The following FGF14 variants were observed in gnomAD, a reference collection of about 807,000 sequenced individuals.
FGF14 encodes the protein fibroblast growth factor 14, also known as fibroblast growth factor homologous factor 4.
A neutral mutation model predicts 25.5 loss-of-function variants in FGF14; 5 were observed. The observed-to-expected ratio is 0.20, with a 90% CI of 0.10 to 0.41. The LOEUF is 0.41. Ranked by LOEUF, FGF14 falls within the 10% of genes least tolerant of loss-of-function variation. FGF14 has a pLI of 1.00. For synonymous variants in FGF14, 138 were observed against 118.3 expected, an observed-to-expected ratio of 1.17 and a Z score of -1.08; for missense variants, 222 against 320.1, an observed-to-expected ratio of 0.69 and a Z score of 2.34.
In FGF14 at chr13:102,249,443, A is replaced by G. The variant is rs571531092; in HGVS notation, c.208+152028T>C. Reference sequence around the variant, plus strand: ...CTTGAAGACAGCAGTTTTGCAGAACAATGGGAGCTGTCGTTGAGGGTCATG... The same window carrying G: ...CTTGAAGACAGCAGTTTTGCAGAACGATGGGAGCTGTCGTTGAGGGTCATG... On this transcript the variant is annotated intron_variant, in intron 1 of 4. Coordinates refer to the FGF14 transcript ENST00000376131. 1.1e-4 allele frequency among the ~76,000 whole-genome samples: 17 copies of G among 152,310 alleles called. No individual in the cohort carries two copies. The South Asian group carries it at 3.5e-3, about 32-fold the overall frequency.
At chr13:101,991,115 G>T (rs376774061) in intron 1 of FGF14, among the ~76,000 whole-genome samples, 1 of 151,940 alleles carries the variant, frequency 6.6e-6, no homozygotes, top group Non-Finnish European at 1.5e-5. Flanking sequence ...CTCAAGATTC[G>T]TTATATAACC....
In FGF14 at chr13:102,162,059, C is replaced by T. The variant is rs143862788; in HGVS notation, c.208+239412G>A. Among the ~76,000 whole-genome samples, 388 of 152,178 alleles carry T rather than the reference C, an allele frequency of 2.5e-3. 11 individuals carry two copies. In the East Asian group the frequency reaches 0.065, roughly 26 times the overall value. Reference sequence around the variant, plus strand: ...ATCTGACACTTGGGAGACATTTTGTCAGTTAACAAGCTTTTTTAGGAGTTA... The same window carrying T: ...ATCTGACACTTGGGAGACATTTTGTTAGTTAACAAGCTTTTTTAGGAGTTA... On this transcript the variant is annotated intron_variant, in intron 1 of 4. Transcript: ENST00000376131.
chr13:102,014,544 A>G (rs2040239787), intron 1 of FGF14, among the ~76,000 whole-genome samples: 1 of 152,154 alleles, frequency 6.6e-6, no homozygotes, highest in South Asian at 2.1e-4. Flanking sequence ...AATGCAGAGG[A>G]ACCAATTATC....
chr13:101,913,669 C>T (rs972206817), intron 1 of FGF14, among the ~76,000 whole-genome samples: 1 of 151,946 alleles, frequency 6.6e-6, no homozygotes, highest in African/African-American at 2.4e-5. Context: ...ATTTTTTCCA[C>T]CTCAAGGTCT....
At chr13:102,184,940 G>C (rs79193721) in intron 1 of FGF14, among the ~76,000 whole-genome samples, 3 of 152,040 alleles carry the variant, frequency 2.0e-5, no homozygotes, top group Non-Finnish European at 2.9e-5. Flanking sequence ...TTCAATATTA[G>C]GTACATGCTT....
At chr13:101,749,289 G>T (rs1163438566) in intron 3 of FGF14, among the ~76,000 whole-genome samples, 2 of 151,866 alleles carry the variant, frequency 1.3e-5, no homozygotes, top group African/African-American at 4.8e-5. Context: ...GAAAGATTAA[G>T]CAAACTGTGG....
chr13:102,357,949 G>T (rs1228992118), intron 1 of FGF14, among the ~76,000 whole-genome samples: 1 of 152,118 alleles, frequency 6.6e-6, no homozygotes, highest in Non-Finnish European at 1.5e-5. Flanking sequence ...CCAAACAGTT[G>T]TATGGGCAGA....
intron 1 of FGF14, among the ~76,000 whole-genome samples, chr13:102,199,986 C>T (rs975871082): frequency 7.9e-5 from 12 of 152,186 alleles, no homozygotes; most frequent in African/African-American, 2.9e-4. Flanking sequence ...AGAAAGATCA[C>T]AGGGCTTAGC....
At chr13:101,906,297 T>G (rs766428056) in intron 1 of FGF14, among the ~76,000 whole-genome samples, 9 of 152,126 alleles carry the variant, frequency 5.9e-5, no homozygotes, top group Admixed American at 3.3e-4. Flanking sequence ...ATGATTAAGG[T>G]GCTGGTGGCA....
At chr13:102,389,236 A>C (rs985276124) in intron 1 of FGF14, among the ~76,000 whole-genome samples, 1 of 152,146 alleles carries the variant, frequency 6.6e-6, no homozygotes, top group African/African-American at 2.4e-5. Flanking sequence ...AGAATGTTTT[A>C]AATCTCCCCC....
At chr13:101,932,655 A>G (rs2034839151) in intron 1 of FGF14, among the ~76,000 whole-genome samples, 1 of 150,398 alleles carries the variant, frequency 6.6e-6, no homozygotes, top group Non-Finnish European at 1.5e-5. Flanking sequence ...CTACTGGCTG[A>G]GTTGAATTAG....
intron 1 of FGF14, among the ~76,000 whole-genome samples, chr13:101,910,836 TCGTGTG>T (rs1397534057): frequency 2.2e-4 from 23 of 106,650 alleles, no homozygotes; most frequent in Non-Finnish European, 4.6e-4. Context: ...AGATTTGGAT[TCGTGTG>T]TGTGTGTGTG....
intron 1 of FGF14, among the ~76,000 whole-genome samples, chr13:102,039,427 G>C (rs1301323467): frequency 6.6e-6 from 1 of 152,014 alleles, no homozygotes; most frequent in Non-Finnish European, 1.5e-5. Context: ...CATAGTTCTG[G>C]GCGGTAGAAG....
chr13:102,065,979 T>C (rs1440026572), intron 1 of FGF14, among the ~76,000 whole-genome samples: 5 of 152,118 alleles, frequency 3.3e-5, no homozygotes, highest in Non-Finnish European at 7.4e-5. Context: ...TTCAACATAT[T>C]CCAATCCACT....
intron 1 of FGF14, among the ~76,000 whole-genome samples, chr13:102,360,577 A>G (rs937298107): frequency 6.6e-6 from 1 of 152,202 alleles, no homozygotes; most frequent in Non-Finnish European, 1.5e-5. Context: ...CCCTTAAGAG[A>G]TAGTACAAGA....
intron 1 of FGF14, among the ~76,000 whole-genome samples, chr13:102,245,582 A>T (rs2051825972): frequency 6.6e-6 from 1 of 152,084 alleles, no homozygotes; most frequent in South Asian, 2.1e-4. Flanking sequence ...TTCAGCTAAC[A>T]TTAATATTTC....
intron 1 of FGF14, among the ~76,000 whole-genome samples, chr13:101,948,594 G>C (rs1203253690): frequency 6.6e-6 from 1 of 151,856 alleles, no homozygotes; most frequent in Non-Finnish European, 1.5e-5. Context: ...GAGCTCATTC[G>C]TAATGATAGT....
chr13:102,193,473 T>C (rs1479024245), intron 1 of FGF14, among the ~76,000 whole-genome samples: 1 of 152,196 alleles, frequency 6.6e-6, no homozygotes, highest in African/African-American at 2.4e-5. Context: ...TTGAGACACC[T>C]GAAAAGGTCC....
chr13:101,737,322 A>C (rs1388440446), intron 3 of FGF14, among the ~76,000 whole-genome samples: 1 of 152,128 alleles, frequency 6.6e-6, no homozygotes, highest in Admixed American at 6.5e-5. Context: ...AGTGGAACAA[A>C]TGTTATGGAA....
Sources: gnomAD v4.1 joint callset for allele counts (sites outside exome capture counted in the v4.1 genomes callset) on GRCh38, gnomAD v4.1.1 for gene constraint, MANE v1.5 for transcripts, NCBI Gene and HGNC (gene_info 2026-07-23, HGNC 2026-07-21) for gene names.